Variants in LGALS8 observed in about 807,000 individuals in gnomAD.
LGALS8 encodes the protein galectin 8.
In LGALS8, 30 loss-of-function variants were observed where a neutral mutation model predicts 35.9. The ratio of observed to expected loss-of-function variants is 0.83; its 90% CI spans 0.62 to 1.13. The LOEUF is 1.13. Among genes scored for constraint, LGALS8 ranks in the 50% most tolerant of loss-of-function variants. The pLI, the probability that LGALS8 is intolerant of heterozygous loss-of-function variation, is 0.00. For missense variants in LGALS8, 366 were observed against 388.7 expected, an observed-to-expected ratio of 0.94 and a Z score of 0.49; for synonymous variants, 138 against 136.1, an observed-to-expected ratio of 1.01 and a Z score of -0.10.
chr1:236,539,323 T>C lies in LGALS8; in HGVS notation c.345+234T>C, dbSNP rs1661800408. 5.9e-6 allele frequency: 3 copies of C among 507,600 alleles called. No individual in the cohort carries two copies. The East Asian group carries it at 1.0e-4, about 17-fold the overall frequency. 31.4% of individuals were successfully genotyped at this position (507,600 alleles called of 1,614,324 possible). On this transcript the variant is annotated intron_variant, in intron 4 of 9. Transcript: ENST00000366584. ...AATATGGTCCACTGTGACCAGATCT[T>C]TTTATTAGATCCTATTTCTCCTAGC...
chr1:236,527,120 T>TAAC (rs3834090), intron 2 of LGALS8, among the ~76,000 whole-genome samples: 77,281 of 151,412 alleles, frequency 0.51, 22,799 homozygotes, highest in Non-Finnish European at 0.66. Context: ...GCAAAGATCT[T>TAAC]AACAACAACA....
Position 236,526,129 on chromosome 1 carries a change from A to AT in LGALS8, c.45+15dup. On this transcript the variant is annotated intron_variant, in intron 2 of 9. Transcript: ENST00000366584. The surrounding 1 kb of genome is among the most constrained non-coding windows in gnomAD (Gnocchi z 4.6). ...ATCTATAACCCGGTAACTGATTTCT[A>AT]TAAGATAACTTTTTACCTATGCCAG... 6.3e-7 allele frequency: 1 copy of AT among 1,576,788 alleles called. No individual in the cohort carries two copies. The highest frequency in any genetic ancestry group is 8.7e-7 in the Non-Finnish European group (1 of 1,146,722).
In LGALS8 at chr1:236,534,508, G is replaced by A. The variant is rs117384525; in HGVS notation, c.46-2989G>A. 2.6e-4 allele frequency among the ~76,000 whole-genome samples: 39 copies of A among 152,096 alleles called. No homozygotes were observed. The East Asian group carries it at 7.3e-3, about 29-fold the overall frequency. ...GATCTGTGAATCACCAAAGTAGCTT[G>A]GAGTAGCCTAGAAAACAATGTATGT... On this transcript the variant is annotated intron_variant, in intron 2 of 9. Coordinates refer to ENST00000366584, the MANE Select transcript of LGALS8 (RefSeq NM_201544.4).
chr1:236,539,588 A>AGCGC (rs1558163916), intron 4 of LGALS8, among the ~76,000 whole-genome samples: 1 of 142,926 alleles, frequency 7.0e-6, no homozygotes, highest in Non-Finnish European at 1.6e-5. Context: ...TCTTGTACCT[A>AGCGC]GCGTGTATGT....
chr1:236,528,501 T>A (rs1660950222), intron 2 of LGALS8, among the ~76,000 whole-genome samples: 1 of 150,728 alleles, frequency 6.6e-6, no homozygotes, highest in African/African-American at 2.4e-5. Flanking sequence ...TTAGGCATTA[T>A]AAACACACCG....
At chr1:236,524,329 G>A in intron 1 of LGALS8, 1 of 456,128 alleles carries the variant, frequency 2.2e-6, no homozygotes, top group Non-Finnish European at 4.4e-6. Context: ...GACATCCCTG[G>A]CTGGGGTCAG....
chr1:236,540,396 T>C (rs1661902237), intron 4 of LGALS8, 168 bp from the exon 5 acceptor site: 3 of 596,046 alleles, frequency 5.0e-6, no homozygotes, highest in Admixed American at 8.0e-5. Context: ...TTGGAAGCAC[T>C]GCTAGTGTTT....
In LGALS8 at chr1:236,538,907, A is replaced by ATT; in HGVS notation, c.163_164insTT (p.Ser55IlefsTer3). The ATT allele has an allele frequency of 6.2e-7, 1 of 1,612,990 alleles. No individual in the cohort carries two copies. Among genetic ancestry groups the ATT allele is most frequent in the Non-Finnish European group, 8.5e-7 (1 of 1,179,936 alleles). On this transcript the variant is annotated frameshift_variant, in exon 4 of 10. Coordinates refer to ENST00000366584, the MANE Select transcript of LGALS8 (RefSeq NM_201544.4). LOFTEE classifies it high-confidence loss of function. Reference sequence around the variant, plus strand: ...CCAGGTGGATCTGCAGAATGGCAGCAGCATGAAACCTCGAGCCGATGTGGC... The same window carrying ATT: ...CCAGGTGGATCTGCAGAATGGCAGCATTGCATGAAACCTCGAGCCGATGTGGC...
intron 4 of LGALS8, among the ~76,000 whole-genome samples, chr1:236,539,555 T>G (rs1310168428): frequency 6.6e-6 from 1 of 152,222 alleles, no homozygotes; most frequent in Non-Finnish European, 1.5e-5. Flanking sequence ...TGATGTCAGT[T>G]CCATCTCTGG....
chr1:236,552,326 C>T lies in LGALS8; in HGVS notation c.*4165C>T, dbSNP rs1662787723. On this transcript the variant is annotated 3_prime_UTR_variant, in exon 10 of 10. Transcript: ENST00000366584. ...AACCTTATAAATAGTGTTTTCCAAACTGTGTCCCAGGACTGCAAATCTTTA... is the reference window on the plus strand; with the variant it reads ...AACCTTATAAATAGTGTTTTCCAAATTGTGTCCCAGGACTGCAAATCTTTA... 5.7e-6 allele frequency: 2 copies of T among 348,954 alleles called. No homozygotes were observed. The highest frequency in any genetic ancestry group is 9.4e-5 in the Admixed American group (2 of 21,224). The allele number at this position is 348,954 out of a possible 1,614,324, so 21.6% of individuals were successfully genotyped here. A position where few individuals can be genotyped will look rare whatever the true frequency, so the allele number is the denominator to read the frequency against.
chr1:236,544,986 T>C, intron 9 of LGALS8, 71 bp downstream of exon 9: 2 of 1,232,074 alleles, frequency 1.6e-6, no homozygotes, highest in Non-Finnish European at 2.3e-6. Context: ...AAGTGGTCCA[T>C]TTAAATCAAG....
intron 2 of LGALS8, among the ~76,000 whole-genome samples, chr1:236,537,193 T>G (rs546704600): frequency 6.6e-6 from 1 of 151,928 alleles, no homozygotes; most frequent in African/African-American, 2.4e-5. Context: ...ATTTTTGTAT[T>G]TTTAGTAGAG....
upstream of LGALS8, among the ~76,000 whole-genome samples, chr1:236,522,491 A>G (rs1188196205): frequency 1.3e-5 from 2 of 152,214 alleles, no homozygotes; most frequent in Non-Finnish European, 2.9e-5. Context: ...CTATAGTCCC[A>G]GCTACTCCTG....
chr1:236,551,672 A>G lies in LGALS8; in HGVS notation c.*3511A>G, dbSNP rs1481777328. On this transcript the variant is annotated 3_prime_UTR_variant, in exon 10 of 10. Transcript: ENST00000366584. ...CAATCTGGGGACCAAAACTTCAATC[A>G]TATAAATGTATGAGGTTAATTAAAA... The G allele has an allele frequency of 1.0e-5, 2 of 200,112 alleles. No individual in the cohort carries two copies. The highest frequency in any genetic ancestry group is 5.8e-5 in the Admixed American group (1 of 17,254). The allele number at this position is 200,112 out of a possible 1,614,324, so 12.4% of individuals were successfully genotyped here. A position where few individuals can be genotyped will look rare whatever the true frequency, so the allele number is the denominator to read the frequency against.
Position 236,548,366 on chromosome 1 carries a change from T to TTA in LGALS8, c.*208_*209dup. 1 of 560,658 alleles carries TTA rather than the reference T, an allele frequency of 1.8e-6. No individual in the cohort carries two copies. The highest frequency in any genetic ancestry group is 1.9e-5 in the African/African-American group (1 of 53,058). 34.7% of individuals were successfully genotyped at this position (560,658 alleles called of 1,614,324 possible). A position where few individuals can be genotyped will look rare whatever the true frequency, so the allele number is the denominator to read the frequency against. The stretch of plus-strand genomic sequence containing the variant: ...ATGGGGAAACTGGGGGCAGCAACAC[T>TTA]TATAGCCAGTTAAAGCCACTCTGCC... On this transcript the variant is annotated 3_prime_UTR_variant, in exon 10 of 10. Transcript: ENST00000366584.
chr1:236,552,053 T>C lies in LGALS8; in HGVS notation c.*3892T>C. The C allele has an allele frequency of 6.2e-7, 1 of 1,613,702 alleles. No homozygotes were observed. Reference sequence around the variant, plus strand: ...GATTCTGGTAGCAAGACAATATAATTCTCCTTTAGTTTTTCAGCCAGTGCT... The same window carrying C: ...GATTCTGGTAGCAAGACAATATAATCCTCCTTTAGTTTTTCAGCCAGTGCT... On this transcript the variant is annotated 3_prime_UTR_variant, in exon 10 of 10. Transcript: ENST00000366584.
At chr1:236,533,335 C>A (rs966876593) in intron 2 of LGALS8, among the ~76,000 whole-genome samples, 2 of 132,128 alleles carry the variant, frequency 1.5e-5, no homozygotes, top group Non-Finnish European at 3.2e-5. Flanking sequence ...ACTGCTCCCC[C>A]ACCCTTTTTT....
At chr1:236,529,455 G>T (rs1025624709) in intron 2 of LGALS8, among the ~76,000 whole-genome samples, 2 of 151,380 alleles carry the variant, frequency 1.3e-5, no homozygotes, top group African/African-American at 4.9e-5. Flanking sequence ...GGTGGCGGTG[G>T]CCTGTAATCC....
At chr1:236,547,556 AAGTC>A (rs3831005) in intron 9 of LGALS8, among the ~76,000 whole-genome samples, 92,383 of 151,372 alleles carry the variant, frequency 0.61, 29,073 homozygotes, top group Non-Finnish European at 0.69. Flanking sequence ...TGAGGCAGAA[AAGTC>A]AGTCAGGATC....
Sources: allele counts gnomAD v4.1 joint callset (sites outside exome capture counted in the v4.1 genomes callset), GRCh38; gene constraint gnomAD v4.1.1; non-coding constraint Gnocchi (gnomAD v3.1); transcripts MANE v1.5; gene names NCBI Gene and HGNC (gene_info 2026-07-23, HGNC 2026-07-21).